GATAD2A: variants seen among roughly 807,000 people sequenced by gnomAD.
GATAD2A encodes the protein GATA zinc finger domain containing 2A.
GATAD2A carries 12 observed loss-of-function variants against 68.5 expected under a neutral mutation model. The ratio of observed to expected loss-of-function variants is 0.18; its 90% CI spans 0.11 to 0.28. GATAD2A has a LOEUF of 0.28. Among genes scored for constraint, GATAD2A ranks in the 10% least tolerant of loss-of-function variants. The pLI, the probability that GATAD2A is intolerant of heterozygous loss-of-function variation, is 1.00. For missense variants in GATAD2A, 755 were observed against 868.5 expected (o/e 0.87, Z 1.64); for synonymous variants, 410 against 375.3 (o/e 1.09, Z -1.07).
rs542015909 is a variant in GATAD2A at position 19,405,868 on chromosome 19, G to A, written c.-158G>A. ...GGGCGGGCGGGCGGACCGGCGCAGC[G>A]AGCGCCGCGGGCCCGGGCGGCCCCA... is the stretch of plus-strand genomic sequence containing the variant. On this transcript the variant is annotated 5_prime_UTR_variant, in exon 1 of 12. Coordinates refer to ENST00000683918, the MANE Select transcript of GATAD2A (RefSeq NM_001384528.1). 1.4e-5 allele frequency: 2 copies of A among 146,194 alleles called. No homozygotes were observed. Among genetic ancestry groups the A allele is most frequent in the Non-Finnish European group, 3.0e-5 (2 of 65,778 alleles). 9.1% of individuals were successfully genotyped at this position (146,194 alleles called of 1,614,324 possible).
At chr19:19,435,688 A>G (rs1238530531) in intron 1 of GATAD2A, among the ~76,000 whole-genome samples, 2 of 152,098 alleles carry the variant, frequency 1.3e-5, no homozygotes, top group African/African-American at 2.4e-5. Flanking sequence ...CGTCTCTACT[A>G]AAAATACAAA....
At chr19:19,412,643 A>T (rs1207445618) in intron 1 of GATAD2A, among the ~76,000 whole-genome samples, 1 of 151,996 alleles carries the variant, frequency 6.6e-6, no homozygotes, top group Non-Finnish European at 1.5e-5. Flanking sequence ...GGGGGGGATA[A>T]AAAAGGTCTG....
intron 1 of GATAD2A, among the ~76,000 whole-genome samples, chr19:19,428,481 G>C (rs1271832471): frequency 6.6e-6 from 1 of 152,214 alleles, no homozygotes; most frequent in Non-Finnish European, 1.5e-5. Context: ...ATGGTCTGGA[G>C]GCCTGAGGTA....
rs1212749346 is a variant in GATAD2A, at chr19:19,385,965, C to A, written c.-180C>A. The A allele has an allele frequency of 3.4e-5, 5 of 148,920 alleles. No individual in the cohort carries two copies. In the East Asian group the frequency reaches 7.8e-4, roughly 23 times the overall value. 9.2% of individuals were successfully genotyped at this position (148,920 alleles called of 1,614,324 possible). ...CCCGCCGCCCGAGCGCGCCCCGCGCCGCCCGCGCAGTCGGTCGGTCGGTCG... is the reference window on the plus strand; with the variant it reads ...CCCGCCGCCCGAGCGCGCCCCGCGCAGCCCGCGCAGTCGGTCGGTCGGTCG... On this transcript the variant is annotated 5_prime_UTR_variant, in exon 1 of 12. Coordinates refer to the GATAD2A transcript ENST00000360315.
At chr19:19,481,356 G>C (rs529003263) in intron 2 of GATAD2A, among the ~76,000 whole-genome samples, 4 of 152,120 alleles carry the variant, frequency 2.6e-5, no homozygotes, top group African/African-American at 9.7e-5. Context: ...TAAAAGACAG[G>C]GTCTTGCTCT....
upstream of GATAD2A, among the ~76,000 whole-genome samples, chr19:19,404,263 T>C (rs1037056668): frequency 3.3e-5 from 5 of 152,106 alleles, no homozygotes; most frequent in African/African-American, 9.7e-5. Flanking sequence ...AAACAATTTT[T>C]TTTTTTTTTA....
chr19:19,424,370 T>C (rs1282310889), intron 1 of GATAD2A, among the ~76,000 whole-genome samples: 1 of 152,118 alleles, frequency 6.6e-6, no homozygotes, highest in Non-Finnish European at 1.5e-5. Flanking sequence ...GCTGTGACCA[T>C]AGGCATGAGC....
At chr19:19,494,167 A>G in intron 4 of GATAD2A, 127 bp from the exon 5 acceptor site, 1 of 588,972 alleles carries the variant, frequency 1.7e-6, no homozygotes, top group Non-Finnish European at 3.1e-6. Flanking sequence ...AGAACCTCTG[A>G]GCGCCTGATG....
At chr19:19,478,837 A>G (rs1394947117) in intron 2 of GATAD2A, among the ~76,000 whole-genome samples, 2 of 151,902 alleles carry the variant, frequency 1.3e-5, no homozygotes, top group East Asian at 1.9e-4. Context: ...AAAAAAACCT[A>G]TTATTAATTC....
In GATAD2A at chr19:19,470,158, T is replaced by A. The variant is rs1012257369; in HGVS notation, c.269+4544T>A. 7.4e-5 allele frequency among the ~76,000 whole-genome samples: 11 copies of A among 148,650 alleles called. No individual in the cohort carries two copies. The East Asian group carries it at 7.8e-4, about 11-fold the overall frequency. On this transcript the variant is annotated intron_variant, in intron 2 of 11. Transcript: ENST00000683918. ...CTGCGACTTTATTTTTTTTTTTGTT[T>A]TTTTTTTTTTGAGACAGAGTCTCAC...
chr19:19,501,046 G>A (rs2060491250), intron 8 of GATAD2A, 72 bp from the exon 9 acceptor site: 2 of 1,377,774 alleles, frequency 1.5e-6, no homozygotes, highest in African/African-American at 1.4e-5. Flanking sequence ...CCAGCATCCT[G>A]GGCTGGGGGC....
At chr19:19,435,061 C>T (rs758580917) in intron 1 of GATAD2A, 1 of 530,868 alleles carries the variant, frequency 1.9e-6, no homozygotes. Flanking sequence ...CCTGTGTGCT[C>T]TGTGACCCTG....
intron 1 of GATAD2A, among the ~76,000 whole-genome samples, chr19:19,414,271 C>A (rs1048774699): frequency 2.6e-5 from 4 of 152,134 alleles, no homozygotes; most frequent in Non-Finnish European, 5.9e-5. Flanking sequence ...CTACCTGGGA[C>A]TTTCTTCTGT....
chr19:19,460,336 G>A (rs1444641782), intron 1 of GATAD2A, among the ~76,000 whole-genome samples: 1 of 152,190 alleles, frequency 6.6e-6, no homozygotes, highest in African/African-American at 2.4e-5. Flanking sequence ...TCTGGAGGTG[G>A]GCACCTGGGC....
intron 2 of GATAD2A, among the ~76,000 whole-genome samples, chr19:19,486,476 T>G (rs2059435926): frequency 6.6e-6 from 1 of 152,242 alleles, no homozygotes; most frequent in Admixed American, 6.5e-5. Context: ...TTTTGGGGGC[T>G]GCTGGATGTG....
chr19:19,498,527 T>C lies in GATAD2A; in HGVS notation c.1009T>C (p.Ser337Pro). Residue 337 changes from serine to proline, a missense_variant, in exon 8 of 12, where the codon TCT becomes CCT. Physicochemically the swap from Ser to Pro is moderately conservative, Grantham distance 74 (BLOSUM62 -1). Transcript: ENST00000683918. Reference sequence around the variant, plus strand: ...CACTAGTGTGGCCTCTGTGGTCACCTCTGCCGAGTCTCCAGCAAGCCGACA... The same window carrying C: ...CACTAGTGTGGCCTCTGTGGTCACCCCTGCCGAGTCTCCAGCAAGCCGACA... ...TPTSVASVVT[S>P]AESPASRQAA... The C allele has an allele frequency of 6.2e-7, 1 of 1,613,772 alleles. No individual in the cohort carries two copies. The highest frequency in any genetic ancestry group is 8.5e-7 in the Non-Finnish European group (1 of 1,179,962).
Position 19,414,572 on chromosome 19 carries a change from C to T in GATAD2A, c.-7+8553C>T, listed in dbSNP as rs1392051243. ...TTTTTTTTTGAAACAGAGTCTTGCT[C>T]CATTGTCCAGTCTGGAGGGCAGTGG... On this transcript the variant is annotated intron_variant, in intron 1 of 11. Coordinates refer to ENST00000683918, the MANE Select transcript of GATAD2A (RefSeq NM_001384528.1). Among the ~76,000 whole-genome samples, 8 of 133,304 alleles carry T rather than the reference C, an allele frequency of 6.0e-5. No homozygotes were observed. In the Admixed American group the frequency reaches 6.5e-4, roughly 11 times the overall value. 87.5% of individuals were successfully genotyped at this position (133,304 alleles called of 152,430 possible).
intron 4 of GATAD2A, among the ~76,000 whole-genome samples, chr19:19,493,320 ACT>A (rs1485573520): frequency 2.0e-5 from 3 of 152,120 alleles, no homozygotes; most frequent in African/African-American, 7.2e-5. Flanking sequence ...TGGGTGAAGC[ACT>A]CTGTGCAGAA....
rs146358551 is a variant in GATAD2A, at chr19:19,502,517, C to T, written c.1765C>T (p.Leu589Phe). The T allele has an allele frequency of 4.2e-5, 67 of 1,610,266 alleles. No homozygotes were observed. The highest frequency in any genetic ancestry group is 5.3e-5 in the Non-Finnish European group (63 of 1,178,278). ...CACCTCCAACTGGAAGAAGACGCCC[C>T]TCAGCACAGGTGGGTGACCTCCACA... is the stretch of plus-strand genomic sequence containing the variant. ...SATSNWKKTP[L>F]STGGTLAFVS... Residue 589 changes from leucine to phenylalanine, a missense_variant, in exon 11 of 12, where the codon CTC becomes TTC. Physicochemically the swap from Leu to Phe is conservative, Grantham distance 22. Transcript: ENST00000683918.
Sources: gnomAD v4.1 joint callset for allele counts (sites outside exome capture counted in the v4.1 genomes callset) on GRCh38, gnomAD v4.1.1 for gene constraint, MANE v1.5 for transcripts, NCBI Gene and HGNC (gene_info 2026-07-23, HGNC 2026-07-21) for gene names.